ERBB4: variants seen among roughly 807,000 people sequenced by gnomAD.
The protein encoded by ERBB4 is erb-b2 receptor tyrosine kinase 4.
Under a neutral mutation model 158.0 loss-of-function variants are expected in ERBB4, and 42 were observed. That is an observed-to-expected ratio of 0.27 (90% CI 0.21 to 0.34). ERBB4 has a LOEUF of 0.34. Among genes scored for constraint, ERBB4 ranks in the 10% least tolerant of loss-of-function variants. The probability of loss-of-function intolerance (pLI) is 1.00; values close to 1 mark genes in which losing one functional copy is unlikely to be tolerated. For synonymous variants in ERBB4, 583 were observed against 558.7 expected (o/e 1.04, Z -0.61); for missense variants, 1,333 against 1,624.1 (o/e 0.82, Z 3.08).
intron 17 of ERBB4, among the ~76,000 whole-genome samples, chr2:211,624,733 C>T (rs898603375): frequency 2.0e-5 from 3 of 152,072 alleles, no homozygotes; most frequent in Admixed American, 6.6e-5. Flanking sequence ...GTTTTGCCTT[C>T]CTAAAGAATG....
intron 3 of ERBB4, among the ~76,000 whole-genome samples, chr2:211,913,606 A>G: frequency 7.3e-6 from 1 of 136,374 alleles, no homozygotes; most frequent in African/African-American, 3.0e-5. Context: ...ATTTCAAAAA[A>G]ATATATATAT....
At chr2:211,393,225 TAGAAAG>T (rs1235026491) in intron 25 of ERBB4, among the ~76,000 whole-genome samples, 1 of 152,172 alleles carries the variant, frequency 6.6e-6, no homozygotes, top group East Asian at 1.9e-4. Context: ...AATTAAGAAA[TAGAAAG>T]AGAAACTAAT....
At chr2:211,544,158 T>C (rs993605677) in intron 20 of ERBB4, among the ~76,000 whole-genome samples, 25 of 152,170 alleles carry the variant, frequency 1.6e-4, no homozygotes, top group African/African-American at 5.8e-4. Flanking sequence ...AAACTTTTCA[T>C]AGGAGGACAA....
chr2:211,908,269 C>A (rs1455578974), intron 3 of ERBB4, among the ~76,000 whole-genome samples: 2 of 151,750 alleles, frequency 1.3e-5, no homozygotes, highest in Admixed American at 6.6e-5. Context: ...AATTTATGTT[C>A]TGCAATTAGT....
chr2:212,486,477 A>T (rs1689987864), intron 1 of ERBB4, among the ~76,000 whole-genome samples: 1 of 152,126 alleles, frequency 6.6e-6, no homozygotes, highest in African/African-American at 2.4e-5. Flanking sequence ...AATAATCAAT[A>T]AGAGCATCAT....
chr2:212,365,953 T>C (rs1420297342), intron 1 of ERBB4, among the ~76,000 whole-genome samples: 3 of 151,848 alleles, frequency 2.0e-5, no homozygotes, highest in Non-Finnish European at 2.9e-5. Flanking sequence ...CAATTAAGCA[T>C]ATAGTAGAAA....
intron 3 of ERBB4, among the ~76,000 whole-genome samples, chr2:211,800,415 T>C (rs1260513706): frequency 6.6e-6 from 1 of 152,106 alleles, no homozygotes; most frequent in African/African-American, 2.4e-5. Context: ...GAGTTGGCTT[T>C]TAAATTTTTA....
intron 1 of ERBB4, among the ~76,000 whole-genome samples, chr2:212,296,527 A>G (rs1298174122): frequency 6.6e-6 from 1 of 151,984 alleles, no homozygotes; most frequent in Non-Finnish European, 1.5e-5. Context: ...TATTCAAGAT[A>G]ACAGAATTAA....
intron 20 of ERBB4, among the ~76,000 whole-genome samples, chr2:211,456,153 T>C (rs1450292065): frequency 3.9e-5 from 6 of 152,152 alleles, no homozygotes; most frequent in Non-Finnish European, 7.4e-5. Context: ...AAGTCTACTG[T>C]TTTTTCATTT....
chr2:211,952,594 G>A (rs839519), intron 2 of ERBB4, among the ~76,000 whole-genome samples: 38,534 of 151,852 alleles, frequency 0.25, 5,210 homozygotes, highest in East Asian at 0.39. Context: ...AAAGTATAAC[G>A]GTAGGAAATG....
At chr2:211,503,377 T>C (rs1350887066) in intron 20 of ERBB4, among the ~76,000 whole-genome samples, 1 of 152,106 alleles carries the variant, frequency 6.6e-6, no homozygotes, top group Non-Finnish European at 1.5e-5. Context: ...CAGCACTGTT[T>C]GGGAACTGAG....
At chr2:212,136,695 T>A (rs1007355915) in intron 1 of ERBB4, among the ~76,000 whole-genome samples, 1 of 152,214 alleles carries the variant, frequency 6.6e-6, no homozygotes, top group Non-Finnish European at 1.5e-5. Flanking sequence ...CACTCCACTG[T>A]TCCAAGTTAT....
intron 22 of ERBB4, among the ~76,000 whole-genome samples, chr2:211,426,738 C>T (rs2063636884): frequency 6.6e-6 from 1 of 151,264 alleles, no homozygotes; most frequent in African/African-American, 2.4e-5. Flanking sequence ...AGGAGACTGC[C>T]ATATTTGATT....
intron 4 of ERBB4, among the ~76,000 whole-genome samples, chr2:211,762,663 G>A (rs763226652): frequency 1.2e-4 from 18 of 152,172 alleles, no homozygotes; most frequent in South Asian, 2.1e-4. Context: ...AACCACCCAC[G>A]TGTTCACTTT....
chr2:211,682,075 C>CACAT (rs1237093107), intron 12 of ERBB4, among the ~76,000 whole-genome samples: 5 of 150,306 alleles, frequency 3.3e-5, no homozygotes. Context: ...CACACACACA[C>CACAT]ACACACACAC....
intron 8 of ERBB4, 93 bp downstream of exon 8, chr2:211,713,442 G>C (rs2073781299): frequency 7.9e-6 from 6 of 764,132 alleles, no homozygotes; most frequent in South Asian, 7.3e-5. Context: ...TGTGAGAGTG[G>C]GTTTATATTA....
chr2:212,041,487 C>T (rs1482352889), intron 2 of ERBB4, among the ~76,000 whole-genome samples: 1 of 151,642 alleles, frequency 6.6e-6, no homozygotes, highest in African/African-American at 2.4e-5. Flanking sequence ...ATTTAATTTT[C>T]AGCCAGCTTA....
intron 25 of ERBB4, among the ~76,000 whole-genome samples, chr2:211,415,895 A>C (rs184736713): frequency 6.6e-6 from 1 of 152,336 alleles, no homozygotes; most frequent in Admixed American, 6.5e-5. Flanking sequence ...AAATGCAAAT[A>C]AATCTATTTA....
chr2:212,092,211 C>T (rs139473007), intron 2 of ERBB4, among the ~76,000 whole-genome samples: 80 of 152,200 alleles, frequency 5.3e-4, no homozygotes, highest in African/African-American at 1.9e-3. Flanking sequence ...AGTTTAAATG[C>T]CATTAGGGAA....
Sources: allele counts gnomAD v4.1 joint callset (sites outside exome capture counted in the v4.1 genomes callset), GRCh38; gene constraint gnomAD v4.1.1; transcripts MANE v1.5; gene names NCBI Gene and HGNC (gene_info 2026-07-23, HGNC 2026-07-21).